Variants in PPM1L observed in about 807,000 individuals in gnomAD.
PPM1L encodes the protein protein phosphatase, Mg2+/Mn2+ dependent 1L, also known as protein phosphatase 1L.
PPM1L carries 13 observed loss-of-function variants against 31.4 expected under a neutral mutation model. The ratio of observed to expected loss-of-function variants is 0.41; its 90% CI spans 0.27 to 0.66. PPM1L has a LOEUF of 0.66. PPM1L is among the 30% of genes least tolerant of loss of function. The pLI is 0.29. For synonymous variants in PPM1L, 184 were observed against 175.4 expected, an observed-to-expected ratio of 1.05 and a Z score of -0.39; for missense variants, 326 against 453.7, an observed-to-expected ratio of 0.72 and a Z score of 2.56.
chr3:161,005,560 C>G (rs1717676407), intron 2 of PPM1L, among the ~76,000 whole-genome samples: 1 of 152,102 alleles, frequency 6.6e-6, no homozygotes, highest in South Asian at 2.1e-4. Flanking sequence ...TGGAACCAGC[C>G]TTGCCTGCGT....
chr3:160,896,241 T>G (rs1713330893), intron 1 of PPM1L, among the ~76,000 whole-genome samples: 1 of 152,216 alleles, frequency 6.6e-6, no homozygotes, highest in African/African-American at 2.4e-5. Context: ...TCTTTATTTT[T>G]AAACGCCTTC....
rs1180357914 is a variant in PPM1L, at chr3:161,073,607, G to C, written c.*4450G>C. ...AACGGAATCTCGCTCTGTCACCCAG[G>C]CTGGAATGCCGTGGCGCAATGTCAG... On this transcript the variant is annotated 3_prime_UTR_variant, in exon 4 of 4. Coordinates refer to ENST00000498165, the MANE Select transcript of PPM1L (RefSeq NM_139245.4). The C allele has an allele frequency of 2.0e-5, 3 of 151,660 alleles. No individual in the cohort carries two copies. Among genetic ancestry groups the C allele is most frequent in the African/African-American group, 7.3e-5 (3 of 41,188 alleles). The allele number at this position is 151,660 out of a possible 1,614,324, so 9.4% of individuals were successfully genotyped here.
At chr3:160,842,074 G>T (rs6802169) in intron 1 of PPM1L, 8,380 of 514,558 alleles carry the variant, frequency 0.016, 547 homozygotes, top group African/African-American at 0.14. Flanking sequence ...GAGAGTTTAT[G>T]ATGAGCCCCA....
chr3:160,774,601 G>A (rs1711516855), intron 1 of PPM1L, among the ~76,000 whole-genome samples: 1 of 152,112 alleles, frequency 6.6e-6, no homozygotes, highest in African/African-American at 2.4e-5. Context: ...CTTACCTTCT[G>A]TTGTTTGCCT....
At chr3:160,762,573 AT>A (rs1714996738) in intron 1 of PPM1L, among the ~76,000 whole-genome samples, 1 of 152,172 alleles carries the variant, frequency 6.6e-6, no homozygotes, top group East Asian at 1.9e-4. Context: ...TTTAAAAAAA[AT>A]AGCAGAGTTA....
At chr3:161,031,300 A>G (rs964953799) in intron 2 of PPM1L, among the ~76,000 whole-genome samples, 3 of 152,220 alleles carry the variant, frequency 2.0e-5, no homozygotes, top group Admixed American at 1.3e-4. Context: ...AAAGAAAACC[A>G]TGGGAACAAA....
chr3:161,034,776 AACC>A (rs1248809402), intron 2 of PPM1L, among the ~76,000 whole-genome samples: 1 of 151,914 alleles, frequency 6.6e-6, no homozygotes, highest in Non-Finnish European at 1.5e-5. Flanking sequence ...GGGTGCAGCA[AACC>A]ACCATGGCAC....
chr3:160,923,191 A>T (rs143943017), intron 1 of PPM1L, among the ~76,000 whole-genome samples: 2 of 152,316 alleles, frequency 1.3e-5, no homozygotes, highest in Admixed American at 1.3e-4. Context: ...TTTAAATGAA[A>T]CTACTCTACC....
chr3:161,022,912 C>T (rs1718278171), intron 2 of PPM1L, among the ~76,000 whole-genome samples: 1 of 152,146 alleles, frequency 6.6e-6, no homozygotes, highest in African/African-American at 2.4e-5. Context: ...GATCCGCCTG[C>T]CTTGGCCTCC....
intron 2 of PPM1L, among the ~76,000 whole-genome samples, chr3:161,047,525 A>G (rs1477934491): frequency 6.6e-6 from 1 of 152,226 alleles, no homozygotes; most frequent in Non-Finnish European, 1.5e-5. Context: ...GGTAATTTAT[A>G]GATTCAATGC....
chr3:161,035,144 G>A (rs1246057822), intron 2 of PPM1L, among the ~76,000 whole-genome samples: 3 of 151,414 alleles, frequency 2.0e-5, no homozygotes, highest in Admixed American at 6.6e-5. Flanking sequence ...AACCACCACG[G>A]CACATGTATA....
At chr3:160,907,398 T>C (rs772447795) in intron 1 of PPM1L, among the ~76,000 whole-genome samples, 2 of 152,198 alleles carry the variant, frequency 1.3e-5, no homozygotes, top group African/African-American at 2.4e-5. Flanking sequence ...ACAAATCACA[T>C]CCAAAACTAA....
Position 161,073,508 on chromosome 3 carries a change from C to T in PPM1L, c.*4351C>T, listed in dbSNP as rs1719999581. ...AAGAAGTAGTATGACTTAATATGAC[C>T]AACAGCAGCCTCATATTGATAGCAG... is the stretch of plus-strand genomic sequence containing the variant. On this transcript the variant is annotated 3_prime_UTR_variant, in exon 4 of 4. Transcript: ENST00000498165. 1 of 151,984 alleles carries T rather than the reference C, an allele frequency of 6.6e-6. No homozygotes were observed. The highest frequency in any genetic ancestry group is 6.6e-5 in the Admixed American group (1 of 15,246). The allele number at this position is 151,984 out of a possible 1,614,324, so 9.4% of individuals were successfully genotyped here. A position where few individuals can be genotyped will look rare whatever the true frequency, so the allele number is the denominator to read the frequency against.
At chr3:160,917,292 T>C (rs531158386) in intron 1 of PPM1L, among the ~76,000 whole-genome samples, 1 of 152,354 alleles carries the variant, frequency 6.6e-6, no homozygotes, top group East Asian at 1.9e-4. Context: ...TCTGCTAGCA[T>C]TGTAAATAGC....
chr3:160,790,225 TTGA>T (rs1366579953), intron 1 of PPM1L, among the ~76,000 whole-genome samples: 2 of 152,130 alleles, frequency 1.3e-5, no homozygotes, highest in Non-Finnish European at 1.5e-5. Context: ...TTAACTAATT[TTGA>T]TGATATTACG....
intron 1 of PPM1L, among the ~76,000 whole-genome samples, chr3:160,911,948 A>G (rs1260099522): frequency 6.6e-6 from 1 of 152,240 alleles, no homozygotes; most frequent in Non-Finnish European, 1.5e-5. Context: ...GTATCTCTGC[A>G]TTCAAGAGAG....
chr3:160,951,000 A>G (rs1052440021), intron 1 of PPM1L, among the ~76,000 whole-genome samples: 2 of 152,260 alleles, frequency 1.3e-5, no homozygotes, highest in African/African-American at 2.4e-5. Flanking sequence ...TTTATGAAAC[A>G]TAGTTCTCTC....
chr3:161,062,182 T>A (rs370906032), intron 2 of PPM1L, among the ~76,000 whole-genome samples: 1 of 152,160 alleles, frequency 6.6e-6, no homozygotes, highest in Non-Finnish European at 1.5e-5. Context: ...CCCAGCAGAC[T>A]TTTTTGAGTC....
intron 2 of PPM1L, among the ~76,000 whole-genome samples, chr3:160,965,459 A>G (rs1716111111): frequency 6.6e-6 from 1 of 152,064 alleles, no homozygotes; most frequent in African/African-American, 2.4e-5. Flanking sequence ...ATTACATGAG[A>G]TTCAACACTT....
Sources: gnomAD v4.1 joint callset for allele counts (sites outside exome capture counted in the v4.1 genomes callset) on GRCh38, gnomAD v4.1.1 for gene constraint, MANE v1.5 for transcripts, NCBI Gene and HGNC (gene_info 2026-07-23, HGNC 2026-07-21) for gene names.